ZNF829: variants seen among roughly 807,000 people sequenced by gnomAD.
The protein encoded by ZNF829 is zinc finger protein 829.
In ZNF829, 25 loss-of-function variants were observed where a neutral mutation model predicts 35.2. That is an observed-to-expected ratio of 0.71 (90% CI 0.52 to 0.99). The LOEUF (loss-of-function observed/expected upper bound fraction) is 0.99, where lower values mean the gene tolerates loss of function less well. Ranked by LOEUF, ZNF829 falls within the 50% of genes least tolerant of loss-of-function variation. The pLI, the probability that ZNF829 is intolerant of heterozygous loss-of-function variation, is 0.00. For synonymous variants in ZNF829, 136 were observed against 163.2 expected (o/e 0.83, Z 1.27); for missense variants, 417 against 515.3 (o/e 0.81, Z 1.85).
chr19:36,914,127 T>G (rs1009121142), intron 3 of ZNF829, among the ~76,000 whole-genome samples: 1 of 152,160 alleles, frequency 6.6e-6, no homozygotes, highest in Non-Finnish European at 1.5e-5. Flanking sequence ...AAGTGAAACT[T>G]ATGGCTTTAA....
chr19:36,892,725 A>T, intron 5 of ZNF829: 1 of 565,274 alleles, frequency 1.8e-6, no homozygotes, highest in Non-Finnish European at 3.0e-6. Context: ...GAGTCACCTT[A>T]AGCCTTGGTG....
At chr19:36,908,674 C>T (rs2146246629) in intron 3 of ZNF829, among the ~76,000 whole-genome samples, 1 of 152,328 alleles carries the variant, frequency 6.6e-6, no homozygotes, top group East Asian at 1.9e-4. Flanking sequence ...TTTCTTCCCC[C>T]TCCCCGCTTT....
intron 5 of ZNF829, among the ~76,000 whole-genome samples, chr19:36,903,534 TGAG>T (rs1435068889): frequency 1.3e-5 from 2 of 152,212 alleles, no homozygotes; most frequent in Non-Finnish European, 2.9e-5. Flanking sequence ...CTTTATAATT[TGAG>T]TAGTTGAGAC....
chr19:36,916,010 C>G lies in ZNF829; in HGVS notation c.-85+1G>C. ...TTCTCCTGGGGACCAAAATATCTCA[C>G]CTCCCAGATCTAAGGGTCCCGCCAG... On this transcript the variant is annotated splice_donor_variant, in intron 1 of 5. Coordinates refer to ENST00000391711, the MANE Select transcript of ZNF829 (RefSeq NM_001037232.4). LOFTEE classifies it low-confidence loss of function (5UTR_SPLICE). This position sits in a 1 kb window ranked among gnomAD's most constrained non-coding sequence, Gnocchi z 5.3. The G allele has an allele frequency of 1.5e-6, 2 of 1,334,992 alleles. No individual in the cohort carries two copies. Among genetic ancestry groups the G allele is most frequent in the Non-Finnish European group, 2.0e-6 (2 of 986,994 alleles). The allele number at this position is 1,334,992 out of a possible 1,614,324, so 82.7% of individuals were successfully genotyped here.
intron 4 of ZNF829, 113 bp downstream of exon 4, chr19:36,908,220 T>G (rs2146246081): frequency 6.9e-7 from 1 of 1,440,446 alleles, no homozygotes; most frequent in Non-Finnish European, 9.4e-7. Flanking sequence ...AAACCATTCC[T>G]TAGGGAACAG....
chr19:36,915,907 A>G, intron 1 of ZNF829, 104 bp downstream of exon 1: 2 of 1,536,086 alleles, frequency 1.3e-6, no homozygotes, highest in Non-Finnish European at 1.7e-6. Flanking sequence ...CCAAGGCGCC[A>G]GCTCCCCATC....
Position 36,891,682 on chromosome 19 carries a change from T to C in ZNF829, c.1109A>G (p.His370Arg), listed in dbSNP as rs2146223063. 6.2e-7 allele frequency: 1 copy of C among 1,613,858 alleles called. No individual in the cohort carries two copies. Among genetic ancestry groups the C allele is most frequent in the Non-Finnish European group, 8.5e-7 (1 of 1,179,894 alleles). ...TTTTTCATCTGTATGGATTCTCTGA[T>C]GTTGAATAAGTTCTGAGCTCTGAAT... is the stretch of plus-strand genomic sequence containing the variant. ...AFIQSSELIQHQRIHTDEKPY... is the reference protein window; with the variant it reads ...AFIQSSELIQRQRIHTDEKPY... The change falls in exon 6 of 6, where the codon CAT becomes CGT. Residue 370 changes from histidine to arginine, a missense_variant. Coordinates refer to ENST00000391711, the MANE Select transcript of ZNF829 (RefSeq NM_001037232.4).
chr19:36,905,312 C>T (rs1345859499), intron 5 of ZNF829: 1 of 152,076 alleles, frequency 6.6e-6, no homozygotes, highest in Non-Finnish European at 1.5e-5. Flanking sequence ...AAAAGTCAAA[C>T]ATTTTTATAA....
At chr19:36,915,286 T>G in intron 1 of ZNF829, 35 bp from the exon 2 acceptor site, 1 of 1,579,634 alleles carries the variant, frequency 6.3e-7, no homozygotes, top group Non-Finnish European at 8.6e-7. Flanking sequence ...AATCGCATAG[T>G]TGACAGGACC....
intron 5 of ZNF829, among the ~76,000 whole-genome samples, chr19:36,897,319 A>G (rs2073122241): frequency 6.6e-6 from 1 of 152,168 alleles, no homozygotes; most frequent in South Asian, 2.1e-4. Context: ...ATACTAGCAA[A>G]TGAAATCCAA....
chr19:36,915,126 C>T lies in ZNF829; in HGVS notation c.38+4G>A. 1.2e-6 allele frequency: 2 copies of T among 1,614,080 alleles called. No individual in the cohort carries two copies. The highest frequency in any genetic ancestry group is 1.1e-5 in the South Asian group (1 of 91,076). Reference sequence around the variant, plus strand: ...AAGAGTTCTTCCCCAGCCCCATTACCCACCACACATGAGGAATGGAGATCA... The same window carrying T: ...AAGAGTTCTTCCCCAGCCCCATTACTCACCACACATGAGGAATGGAGATCA... On this transcript the variant is annotated splice_donor_region_variant and intron_variant, in intron 2 of 5. Transcript: ENST00000391711.
At chr19:36,902,856 T>C (rs1001221676) in intron 5 of ZNF829, among the ~76,000 whole-genome samples, 2 of 151,928 alleles carry the variant, frequency 1.3e-5, no homozygotes, top group African/African-American at 4.8e-5. Context: ...GGCAACATGG[T>C]GAAACCCCGT....
Position 36,890,673 on chromosome 19 carries a change from G to A in ZNF829, c.*819C>T, listed in dbSNP as rs1330467925. The A allele has an allele frequency of 7.5e-6, 1 of 133,348 alleles. No homozygotes were observed. The highest frequency in any genetic ancestry group is 1.6e-5 in the Non-Finnish European group (1 of 63,600). 8.3% of individuals were successfully genotyped at this position (133,348 alleles called of 1,614,324 possible). A position where few individuals can be genotyped will look rare whatever the true frequency, so the allele number is the denominator to read the frequency against. On this transcript the variant is annotated 3_prime_UTR_variant, in exon 6 of 6. Transcript: ENST00000391711. ...CTGGCCAACATGGTGAAACCCCGTCGCTACTAAAAATACAAAAAAAAAAAA... is the reference window on the plus strand; with the variant it reads ...CTGGCCAACATGGTGAAACCCCGTCACTACTAAAAATACAAAAAAAAAAAA...
At chr19:36,901,891 G>A in intron 5 of ZNF829, 2 of 762,010 alleles carry the variant, frequency 2.6e-6, no homozygotes, top group Non-Finnish European at 4.9e-6. Context: ...AAGAGATTCA[G>A]AAATTTGCCA....
At chr19:36,911,516 T>C (rs10407557) in intron 3 of ZNF829, among the ~76,000 whole-genome samples, 24,713 of 152,024 alleles carry the variant, frequency 0.16, 2,540 homozygotes, top group African/African-American at 0.28. Context: ...CTGAGCCTCT[T>C]AAGCAATGGG....
In ZNF829 at chr19:36,889,450, T is replaced by C. The variant is rs1233708411; in HGVS notation, c.*2042A>G. Reference sequence around the variant, plus strand: ...GCTTTTTGTTTTTGCAAGATTTTTTTCTATTACTGATTCAATTTCAATACT... The same window carrying C: ...GCTTTTTGTTTTTGCAAGATTTTTTCCTATTACTGATTCAATTTCAATACT... On this transcript the variant is annotated 3_prime_UTR_variant, in exon 6 of 6. Transcript: ENST00000391711. The C allele has an allele frequency of 6.6e-6, 1 of 152,196 alleles. No individual in the cohort carries two copies. The highest frequency in any genetic ancestry group is 2.4e-5 in the African/African-American group (1 of 41,440). 9.4% of individuals were successfully genotyped at this position (152,196 alleles called of 1,614,324 possible).
chr19:36,895,528 A>C (rs1388787984), intron 5 of ZNF829, among the ~76,000 whole-genome samples: 1 of 152,226 alleles, frequency 6.6e-6, no homozygotes, highest in Non-Finnish European at 1.5e-5. Context: ...AATAACCTTG[A>C]ATGTAAACAG....
chr19:36,902,062 C>A, intron 5 of ZNF829: 3 of 509,342 alleles, frequency 5.9e-6, no homozygotes, highest in East Asian at 3.8e-5. Context: ...CTTTGGTTAT[C>A]TATGTATCTG....
Position 36,892,423 on chromosome 19 carries a change from T to TGAG in ZNF829, c.367_368insCTC (p.Arg122_His123insPro). On this transcript the variant is annotated inframe_insertion, in exon 6 of 6. Coordinates refer to ENST00000391711, the MANE Select transcript of ZNF829 (RefSeq NM_001037232.4). The stretch of plus-strand genomic sequence containing the variant: ...ACGGGTAATTATTACTTGACTGAAA[T>TGAG]GTCTCTTCTTTAGAGATAATATTTT... 6.2e-7 allele frequency: 1 copy of TGAG among 1,608,756 alleles called. No individual in the cohort carries two copies. The highest frequency in any genetic ancestry group is 2.2e-5 in the East Asian group (1 of 44,860).
Sources: gnomAD v4.1 joint callset for allele counts (sites outside exome capture counted in the v4.1 genomes callset) on GRCh38, gnomAD v4.1.1 for gene constraint, Gnocchi (gnomAD v3.1) non-coding constraint, MANE v1.5 for transcripts, NCBI Gene and HGNC (gene_info 2026-07-23, HGNC 2026-07-21) for gene names.